Variants in ELF1 observed in about 807,000 individuals in gnomAD.
The protein encoded by ELF1 is ETS-related transcription factor Elf-1.
Under a neutral mutation model 59.9 loss-of-function variants are expected in ELF1, and 24 were observed. That is an observed-to-expected ratio of 0.40 (90% confidence interval 0.29 to 0.56). ELF1 has a LOEUF of 0.56. Among genes scored for constraint, ELF1 ranks in the 20% least tolerant of loss-of-function variants. The probability of loss-of-function intolerance (pLI) is 0.44; values close to 1 mark genes in which losing one functional copy is unlikely to be tolerated. For missense variants in ELF1, 627 were observed against 742.2 expected (o/e 0.84, Z 1.80); for synonymous variants, 248 against 266.2 (o/e 0.93, Z 0.67).
At chr13:41,056,535 T>C (rs536909591) in intron 1 of ELF1, among the ~76,000 whole-genome samples, 3 of 152,330 alleles carry the variant, frequency 2.0e-5, no homozygotes, top group African/African-American at 4.8e-5. Flanking sequence ...GTTTAACATT[T>C]TGAGGAACTG....
At chr13:40,954,573 G>A (rs371820423) in intron 3 of ELF1, among the ~76,000 whole-genome samples, 3 of 151,822 alleles carry the variant, frequency 2.0e-5, no homozygotes, top group African/African-American at 7.3e-5. Context: ...TCAGCCTGCC[G>A]AGTGCCTGCG....
At chr13:40,990,104 A>T (rs1252214017) in intron 1 of ELF1, among the ~76,000 whole-genome samples, 1 of 152,188 alleles carries the variant, frequency 6.6e-6, no homozygotes, top group African/African-American at 2.4e-5. Flanking sequence ...CAAACACATT[A>T]TTTAGCAAAC....
chr13:40,995,375 G>A (rs997763551), intron 1 of ELF1, among the ~76,000 whole-genome samples: 1 of 152,206 alleles, frequency 6.6e-6, no homozygotes, highest in African/African-American at 2.4e-5. Flanking sequence ...TGTGGAAGGT[G>A]TGAGGAAATG....
At chr13:41,060,828 C>T (rs539633028) in intron 1 of ELF1, 9 of 260,728 alleles carry the variant, frequency 3.5e-5, no homozygotes, top group Admixed American at 1.0e-4. Flanking sequence ...GAGAAACTGC[C>T]GTGACCCACC....
intron 1 of ELF1, among the ~76,000 whole-genome samples, chr13:41,051,748 C>T (rs1282982111): frequency 1.3e-5 from 2 of 151,818 alleles, no homozygotes; most frequent in Non-Finnish European, 2.9e-5. Context: ...AGGCACCTTC[C>T]CACAAATTTA....
intron 1 of ELF1, among the ~76,000 whole-genome samples, chr13:40,985,205 A>C (rs2138282440): frequency 6.6e-6 from 1 of 152,226 alleles, no homozygotes; most frequent in Non-Finnish European, 1.5e-5. Context: ...CTGTGTACTT[A>C]TATACTCTTC....
At chr13:41,020,517 A>G (rs549057143), upstream of ELF1, among the ~76,000 whole-genome samples, 2 of 152,344 alleles carry the variant, frequency 1.3e-5, no homozygotes, top group African/African-American at 4.8e-5. Context: ...AAATGCTGCA[A>G]AACAGCAATG....
At position 40,994,505 on chromosome 13, in the gene ELF1, T is replaced by A. The variant is rs6560967; in HGVS notation, c.-228-12223A>T. On this transcript the variant is annotated intron_variant, in intron 1 of 8. Transcript: ENST00000239882. ...TAAAAATACAAAAATTACCTAGGCA[T>A]GGTGGGGGGGTGCCTGTAATCCCAG... 2.6e-5 allele frequency among the ~76,000 whole-genome samples: 4 copies of A among 151,666 alleles called. No individual in the cohort carries two copies. In the South Asian group the frequency reaches 8.3e-4, roughly 32 times the overall value.
At chr13:40,936,425 A>T (rs889936699) in intron 8 of ELF1, among the ~76,000 whole-genome samples, 1 of 152,192 alleles carries the variant, frequency 6.6e-6, no homozygotes, top group African/African-American at 2.4e-5. Context: ...GGCTACCACT[A>T]GGACTTCGCT....
intron 8 of ELF1, among the ~76,000 whole-genome samples, chr13:40,938,535 T>C (rs1869932772): frequency 6.6e-6 from 1 of 152,226 alleles, no homozygotes; most frequent in Non-Finnish European, 1.5e-5. Context: ...ATTAAAATAC[T>C]ATCTCCACCA....
Position 41,019,256 on chromosome 13 carries a change from T to C in ELF1, c.-257A>G, listed in dbSNP as rs932028237. 6 of 985,438 alleles carry C rather than the reference T, an allele frequency of 6.1e-6. No homozygotes were observed. The highest frequency in any genetic ancestry group is 6.0e-6 in the Non-Finnish European group (5 of 829,930). 61.0% of individuals were successfully genotyped at this position (985,438 alleles called of 1,614,324 possible). A position where few individuals can be genotyped will look rare whatever the true frequency, so the allele number is the denominator to read the frequency against. ...CAAGTATTCTTTCTCTATCGTCTTTTGAGCTTGAAAATAAAAAGCAATCCG... is the reference window on the plus strand; with the variant it reads ...CAAGTATTCTTTCTCTATCGTCTTTCGAGCTTGAAAATAAAAAGCAATCCG... On this transcript the variant is annotated 5_prime_UTR_variant, in exon 1 of 9. Coordinates refer to ENST00000239882, the MANE Select transcript of ELF1 (RefSeq NM_172373.4).
upstream of ELF1, among the ~76,000 whole-genome samples, chr13:41,023,620 A>C (rs1875771042): frequency 6.6e-6 from 1 of 152,218 alleles, no homozygotes; most frequent in Admixed American, 6.5e-5. Context: ...AACACAGTTA[A>C]TTTTCTATGC....
At chr13:41,035,836 T>TAA (rs776051057) in intron 1 of ELF1, among the ~76,000 whole-genome samples, 2 of 148,670 alleles carry the variant, frequency 1.3e-5, no homozygotes, top group African/African-American at 2.5e-5. Context: ...AACTTCTTGT[T>TAA]AAAAAAAAAA....
chr13:40,955,848 GGGAAGAGAGGAGCC>G, intron 3 of ELF1, among the ~76,000 whole-genome samples: 1 of 137,332 alleles, frequency 7.3e-6, no homozygotes, highest in African/African-American at 2.8e-5. Context: ...CACCCCTACT[GGGAAGAGAGGAGCC>G]CCTCCGCCCG....
Position 40,933,967 on chromosome 13 carries a change from T to C in ELF1, c.1318A>G (p.Thr440Ala). Residue 440 changes from threonine to alanine, a missense_variant, in exon 9 of 9, where the codon ACA (threonine) becomes GCA (alanine). Transcript: ENST00000239882. ...VVSPRNQQLH[T>A]VTLQTVPLTT... ...AGTGGCACTGTTTGGAGTGTTACTG[T>C]ATGCAACTGCTGATTCCTAGGAGAC... 1 of 1,614,256 alleles carries C rather than the reference T, an allele frequency of 6.2e-7. No homozygotes were observed.
chr13:41,039,734 T>C (rs1474928471), intron 1 of ELF1, among the ~76,000 whole-genome samples: 1 of 152,234 alleles, frequency 6.6e-6, no homozygotes, highest in Non-Finnish European at 1.5e-5. Flanking sequence ...GAAAATGTAC[T>C]AATATCTGCA....
intron 2 of ELF1, among the ~76,000 whole-genome samples, chr13:40,966,851 T>C (rs1255691587): frequency 6.6e-6 from 1 of 152,144 alleles, no homozygotes; most frequent in Non-Finnish European, 1.5e-5. Context: ...TTAAATTTAG[T>C]CTCTAGCATT....
upstream of ELF1, among the ~76,000 whole-genome samples, chr13:41,019,985 A>T: frequency 6.6e-6 from 1 of 152,262 alleles, no homozygotes; most frequent in African/African-American, 2.4e-5. Context: ...TGCAAGCTTG[A>T]TAAAACCCTT....
At chr13:41,050,174 T>A (rs1877027744) in intron 1 of ELF1, among the ~76,000 whole-genome samples, 1 of 152,102 alleles carries the variant, frequency 6.6e-6, no homozygotes. Flanking sequence ...CCCCCCTTTC[T>A]CCCTTACCCC....
Sources: allele counts gnomAD v4.1 joint callset (sites outside exome capture counted in the v4.1 genomes callset), GRCh38; gene constraint gnomAD v4.1.1; transcripts MANE v1.5; gene names NCBI Gene and HGNC (gene_info 2026-07-23, HGNC 2026-07-21).